The following LAMA2 variants were observed in gnomAD, a reference collection of about 807,000 sequenced individuals.
LAMA2 encodes laminin subunit alpha 2.
Under a neutral mutation model 364.8 loss-of-function variants are expected in LAMA2, and 269 were observed. The ratio of observed to expected loss-of-function variants is 0.74; its 90% confidence interval spans 0.67 to 0.82. The LOEUF (loss-of-function observed/expected upper bound fraction) is 0.82, where lower values mean the gene tolerates loss of function less well. LAMA2 is among the 40% of genes least tolerant of loss of function. The pLI is 0.00. For synonymous variants in LAMA2, 1,379 were observed against 1,370.6 expected (o/e 1.01, Z -0.14); for missense variants, 3,807 against 3,873.2 (o/e 0.98, Z 0.45).
chr6:129,326,782 T>TTA (rs1030910980), intron 28 of LAMA2, among the ~76,000 whole-genome samples: 5 of 131,800 alleles, frequency 3.8e-5, no homozygotes, highest in East Asian at 2.1e-4. Context: ...AATTTATATA[T>TTA]TATATATATA....
intron 32 of LAMA2, among the ~76,000 whole-genome samples, chr6:129,353,852 C>T (rs1004993044): frequency 6.6e-6 from 1 of 152,132 alleles, no homozygotes; most frequent in Non-Finnish European, 1.5e-5. Context: ...CTACAAAACC[C>T]GTAAGCAGTA....
At chr6:129,475,450 A>C in intron 53 of LAMA2, 49 bp downstream of exon 53, 1 of 1,464,248 alleles carries the variant, frequency 6.8e-7, no homozygotes. Flanking sequence ...GGGTTGGGTA[A>C]ATGTGGCTTC....
intron 53 of LAMA2, among the ~76,000 whole-genome samples, chr6:129,477,198 T>C (rs116635003): frequency 6.6e-4 from 101 of 152,332 alleles, no homozygotes; most frequent in African/African-American, 2.3e-3. Flanking sequence ...AATTGTAAAT[T>C]AAATCAAATT....
intron 3 of LAMA2, among the ~76,000 whole-genome samples, chr6:129,071,817 A>G (rs1020491901): frequency 3.9e-5 from 6 of 152,216 alleles, no homozygotes; most frequent in African/African-American, 1.4e-4. Context: ...TTTTTATCCA[A>G]CATATGGCAG....
intron 41 of LAMA2, among the ~76,000 whole-genome samples, chr6:129,430,923 G>C (rs2114746768): frequency 6.6e-6 from 1 of 152,080 alleles, no homozygotes; most frequent in East Asian, 1.9e-4. Flanking sequence ...CTCATGGAAT[G>C]TGTACGAGGC....
chr6:129,424,483 G>A (rs1185886591), intron 40 of LAMA2, among the ~76,000 whole-genome samples: 1 of 149,272 alleles, frequency 6.7e-6, no homozygotes, highest in Non-Finnish European at 1.5e-5. Flanking sequence ...TTACATATCT[G>A]ATAAAGGACC....
intron 40 of LAMA2, among the ~76,000 whole-genome samples, chr6:129,407,119 A>G (rs752965964): frequency 6.6e-6 from 1 of 152,116 alleles, no homozygotes; most frequent in Admixed American, 6.5e-5. Context: ...AGCTTATTAG[A>G]TGGTGCCCAC....
intron 11 of LAMA2, among the ~76,000 whole-genome samples, chr6:129,190,560 AG>A (rs1781468637): frequency 6.6e-6 from 1 of 152,178 alleles, no homozygotes; most frequent in Admixed American, 6.5e-5. Context: ...TTCTTAGAAT[AG>A]GTAGACATAG....
chr6:128,992,438 A>G (rs914255687), intron 1 of LAMA2, among the ~76,000 whole-genome samples: 4 of 152,202 alleles, frequency 2.6e-5, no homozygotes, highest in African/African-American at 4.8e-5. Context: ...GACATTTGTT[A>G]TTCTGTGGTC....
At chr6:128,904,790 C>T (rs1030718283) in intron 1 of LAMA2, among the ~76,000 whole-genome samples, 2 of 151,972 alleles carry the variant, frequency 1.3e-5, no homozygotes, top group Admixed American at 6.6e-5. Flanking sequence ...ATTGCCAGGT[C>T]GGAACTTAGG....
At chr6:129,383,063 A>G in intron 34 of LAMA2, 59 bp from the exon 35 acceptor site, 1 of 1,380,304 alleles carries the variant, frequency 7.2e-7, no homozygotes, top group South Asian at 1.2e-5. Context: ...GTGGGAGCTT[A>G]TCTAGCTGTA....
intron 4 of LAMA2, among the ~76,000 whole-genome samples, chr6:129,126,748 G>A (rs1188969813): frequency 2.0e-5 from 3 of 152,074 alleles, no homozygotes; most frequent in Non-Finnish European, 4.4e-5. Context: ...GTTATTTCAA[G>A]CATATATCAT....
intron 1 of LAMA2, among the ~76,000 whole-genome samples, chr6:128,969,439 T>C (rs1782052146): frequency 2.0e-5 from 3 of 152,148 alleles, no homozygotes; most frequent in Non-Finnish European, 4.4e-5. Context: ...TGAATTTATT[T>C]TTATTTTTTT....
chr6:129,132,718 A>AT (rs201200054), intron 4 of LAMA2, among the ~76,000 whole-genome samples: 1,986 of 151,886 alleles, frequency 0.013, 45 homozygotes, highest in African/African-American at 0.045. Flanking sequence ...TGTCATTTAC[A>AT]TTTTTTTTAA....
intron 58 of LAMA2, among the ~76,000 whole-genome samples, chr6:129,501,226 G>A (rs547993389): frequency 3.1e-4 from 47 of 152,214 alleles, no homozygotes; most frequent in South Asian, 2.5e-3. Flanking sequence ...TTCCATTCGG[G>A]CTCTTTTTGC....
chr6:128,894,259 T>C (rs1430805946), intron 1 of LAMA2, among the ~76,000 whole-genome samples: 1 of 152,208 alleles, frequency 6.6e-6, no homozygotes, highest in Admixed American at 6.5e-5. Flanking sequence ...ACTGATTTAC[T>C]AGTTATGCAG....
At chr6:129,342,131 C>T (rs975987675) in intron 29 of LAMA2, among the ~76,000 whole-genome samples, 5 of 152,092 alleles carry the variant, frequency 3.3e-5, no homozygotes, top group Admixed American at 6.6e-5. Flanking sequence ...TACGATAGCA[C>T]AGTATTAGTT....
At chr6:128,944,901 A>T (rs1289718137) in intron 1 of LAMA2, among the ~76,000 whole-genome samples, 1 of 152,174 alleles carries the variant, frequency 6.6e-6, no homozygotes, top group Non-Finnish European at 1.5e-5. Flanking sequence ...TAAACCACTT[A>T]TGAGAAATCA....
intron 1 of LAMA2, among the ~76,000 whole-genome samples, chr6:129,045,786 G>T (rs1465314760): frequency 6.6e-6 from 1 of 152,120 alleles, no homozygotes; most frequent in Non-Finnish European, 1.5e-5. Context: ...TCCCATGATT[G>T]CTGAGGCCTG....
Sources: gnomAD v4.1 joint callset for allele counts (sites outside exome capture counted in the v4.1 genomes callset) on GRCh38, gnomAD v4.1.1 for gene constraint, MANE v1.5 for transcripts, NCBI Gene and HGNC (gene_info 2026-07-23, HGNC 2026-07-21) for gene names.